Variants in ANO3 observed in about 807,000 individuals in gnomAD.
The protein encoded by ANO3 is anoctamin-3.
ANO3 carries 99 observed loss-of-function variants against 144.8 expected under a neutral mutation model. That is an observed-to-expected ratio of 0.68 (90% confidence interval 0.58 to 0.81). ANO3 has a LOEUF of 0.81. Among genes scored for constraint, ANO3 ranks in the 30% least tolerant of loss-of-function variants. The pLI, the probability that ANO3 is intolerant of heterozygous loss-of-function variation, is 0.00. For synonymous variants in ANO3, 414 were observed against 392.6 expected (o/e 1.05, Z -0.64); for missense variants, 905 against 1,202.2 (o/e 0.75, Z 3.66).
chr11:26,627,371 T>C (rs1405540764), intron 18 of ANO3, among the ~76,000 whole-genome samples: 1 of 151,886 alleles, frequency 6.6e-6, no homozygotes, highest in Non-Finnish European at 1.5e-5. Flanking sequence ...TTTTGGGTCT[T>C]CATTTCCTCA....
exon 1 of ANO3, chr11:26,309,710 T>TA (rs1854463903): frequency 1.9e-5 from 19 of 985,198 alleles, no homozygotes; most frequent in Non-Finnish European, 2.3e-5. Flanking sequence ...CAAAGGCAAA[T>TA]ATAATGAAGG....
chr11:26,352,075 G>A (rs1335068589), intron 1 of ANO3, among the ~76,000 whole-genome samples: 3 of 152,116 alleles, frequency 2.0e-5, no homozygotes, highest in African/African-American at 7.2e-5. Context: ...AGAGAAACAG[G>A]AATAAATTAG....
At chr11:26,623,092 A>G (rs1435317637) in intron 17 of ANO3, among the ~76,000 whole-genome samples, 1 of 152,236 alleles carries the variant, frequency 6.6e-6, no homozygotes, top group Admixed American at 6.5e-5. Context: ...TTTGAAAATT[A>G]TAGTTTGTGT....
chr11:26,632,194 G>GAAA, intron 18 of ANO3, among the ~76,000 whole-genome samples: 1 of 133,144 alleles, frequency 7.5e-6, no homozygotes, highest in African/African-American at 2.8e-5. Context: ...TCCATCTCAA[G>GAAA]AAAAAAAAAA....
chr11:26,231,166 C>G (rs936442732), intron 1 of ANO3, among the ~76,000 whole-genome samples: 1 of 152,096 alleles, frequency 6.6e-6, no homozygotes, highest in Non-Finnish European at 1.5e-5. Context: ...CGTGAGCCAC[C>G]ACGCTCCACC....
chr11:26,426,101 C>CTG (rs972494926), intron 1 of ANO3, among the ~76,000 whole-genome samples: 2 of 151,958 alleles, frequency 1.3e-5, no homozygotes, highest in East Asian at 1.9e-4. Context: ...ATATAAAATA[C>CTG]TGTGTGTGTG....
chr11:26,456,989 A>G (rs920910670), intron 3 of ANO3, among the ~76,000 whole-genome samples: 10 of 150,434 alleles, frequency 6.6e-5, no homozygotes, highest in African/African-American at 2.2e-4. Context: ...AAATCCAAAC[A>G]CCACATATTC....
At chr11:26,456,272 T>A (rs1307570540) in intron 3 of ANO3, among the ~76,000 whole-genome samples, 1 of 152,066 alleles carries the variant, frequency 6.6e-6, no homozygotes, top group African/African-American at 2.4e-5. Context: ...GAAACTACCA[T>A]CAGAGTGAAC....
Position 26,660,609 on chromosome 11 carries a change from C to T in ANO3, c.*165C>T. The T allele has an allele frequency of 1.6e-6, 1 of 611,232 alleles. No homozygotes were observed. The highest frequency in any genetic ancestry group is 2.7e-6 in the Non-Finnish European group (1 of 370,682). The allele number at this position is 611,232 out of a possible 1,614,324, so 37.9% of individuals were successfully genotyped here. A position where few individuals can be genotyped will look rare whatever the true frequency, so the allele number is the denominator to read the frequency against. On this transcript the variant is annotated 3_prime_UTR_variant, in exon 27 of 27. Coordinates refer to ENST00000256737, the MANE Select transcript of ANO3 (RefSeq NM_031418.4). ...ATCTCTGGGATTTGAAATATCCAGA[C>T]TTGTAGGGAAGAAAACAATGACTTG...
chr11:26,540,214 A>G (rs974749107), intron 10 of ANO3, among the ~76,000 whole-genome samples: 2 of 152,184 alleles, frequency 1.3e-5, no homozygotes, highest in Non-Finnish European at 2.9e-5. Context: ...TAAATTTTAA[A>G]GATACTACCA....
At chr11:26,578,547 A>G (rs1274513978) in intron 14 of ANO3, among the ~76,000 whole-genome samples, 1 of 152,202 alleles carries the variant, frequency 6.6e-6, no homozygotes, top group Non-Finnish European at 1.5e-5. Flanking sequence ...GGAGCGGGCG[A>G]TCATCACAAA....
intron 1 of ANO3, among the ~76,000 whole-genome samples, chr11:26,260,384 G>A (rs886257690): frequency 6.6e-6 from 1 of 152,106 alleles, no homozygotes; most frequent in Non-Finnish European, 1.5e-5. Context: ...TTTTACAAGT[G>A]AAGACATTGA....
chr11:26,332,196 G>T lies in ANO3; in HGVS notation c.-80G>T. The T allele has an allele frequency of 1.2e-6, 2 of 1,613,146 alleles. No homozygotes were observed. The highest frequency in any genetic ancestry group is 2.2e-5 in the South Asian group (2 of 90,996). ...GCGCTCGCTGAGGCTCCGGACCTTG[G>T]AGCGTCTAGAGTCTGGCTACTGTTC... is the stretch of plus-strand genomic sequence containing the variant. On this transcript the variant is annotated 5_prime_UTR_variant, in exon 1 of 27. Transcript: ENST00000256737.
At chr11:26,558,646 G>A (rs538431450) in intron 13 of ANO3, among the ~76,000 whole-genome samples, 13 of 152,138 alleles carry the variant, frequency 8.5e-5, no homozygotes, top group East Asian at 5.8e-4. Context: ...CAAAGGGAGC[G>A]CATCTTTTCT....
intron 1 of ANO3, among the ~76,000 whole-genome samples, chr11:26,302,239 G>A (rs1267742302): frequency 6.6e-6 from 1 of 152,208 alleles, no homozygotes; most frequent in Non-Finnish European, 1.5e-5. Flanking sequence ...GCTCACGACT[G>A]TAATCCCAGC....
chr11:26,244,116 G>GAAAAAAAAAAAAAAAAAAA (rs755726181), intron 1 of ANO3, among the ~76,000 whole-genome samples: 1 of 94,686 alleles, frequency 1.1e-5, no homozygotes, highest in African/African-American at 3.9e-5. Flanking sequence ...GACTCTGTCT[G>GAAAAAAAAAAAAAAAAAAA]AAAAAAAAAA....
At chr11:26,529,660 A>G (rs573755390) in intron 7 of ANO3, among the ~76,000 whole-genome samples, 14 of 150,522 alleles carry the variant, frequency 9.3e-5, no homozygotes, top group Non-Finnish European at 1.3e-4. Context: ...CTATTGCAGA[A>G]GAAGCCAAAA....
At chr11:26,347,175 A>T (rs1335882990) in intron 1 of ANO3, among the ~76,000 whole-genome samples, 3 of 152,108 alleles carry the variant, frequency 2.0e-5, no homozygotes, top group African/African-American at 7.2e-5. Flanking sequence ...CTAAAACTGG[A>T]CTCTTACATG....
At chr11:26,266,630 T>C (rs1853314472) in intron 1 of ANO3, among the ~76,000 whole-genome samples, 1 of 151,596 alleles carries the variant, frequency 6.6e-6, no homozygotes, top group Non-Finnish European at 1.5e-5. Flanking sequence ...AGACAGGAGT[T>C]GACCATATTG....
Sources: allele counts gnomAD v4.1 joint callset (sites outside exome capture counted in the v4.1 genomes callset), GRCh38; gene constraint gnomAD v4.1.1; transcripts MANE v1.5; gene names NCBI Gene and HGNC (gene_info 2026-07-23, HGNC 2026-07-21).